ZBTB20: variants seen among roughly 807,000 people sequenced by gnomAD.
ZBTB20 encodes zinc finger and BTB domain containing 20, also known as zinc finger and BTB domain-containing protein 20.
Under a neutral mutation model 56.9 loss-of-function variants are expected in ZBTB20, and 9 were observed. That is an observed-to-expected ratio of 0.16 (90% CI 0.10 to 0.28). The LOEUF (loss-of-function observed/expected upper bound fraction) is 0.28, where lower values mean the gene tolerates loss of function less well. ZBTB20 is among the 10% of genes least tolerant of loss of function. The probability of loss-of-function intolerance (pLI) is 1.00; values close to 1 mark genes in which losing one functional copy is unlikely to be tolerated. For synonymous variants in ZBTB20, 417 were observed against 420.7 expected (o/e 0.99, Z 0.11); for missense variants, 655 against 1,003.0 (o/e 0.65, Z 4.69).
At chr3:114,829,346 A>AT (rs376873835) in intron 4 of ZBTB20, among the ~76,000 whole-genome samples, 11 of 151,966 alleles carry the variant, frequency 7.2e-5, no homozygotes, top group South Asian at 2.1e-4. Context: ...GGGAGAGGTC[A>AT]TTTTCTCTCA....
rs78071139 is a variant in ZBTB20 at position 114,829,453 on chromosome 3, C to G, written c.-416-28279G>C. Among the ~76,000 whole-genome samples, 1,486 of 151,926 alleles carry G rather than the reference C, an allele frequency of 9.8e-3. 20 individuals are homozygous for G. Among genetic ancestry groups the G allele is most frequent in the African/African-American group, 0.034 (1,407 of 41,500 alleles). On this transcript the variant is annotated intron_variant, in intron 4 of 11. Coordinates refer to ENST00000675478, the MANE Select transcript of ZBTB20 (RefSeq NM_001348800.3). The stretch of plus-strand genomic sequence containing the variant: ...GAGTTTCCCACGTTTATATTAATCT[C>G]TGTATCACAGCTAAATAAAATGTTT...
intron 1 of ZBTB20, among the ~76,000 whole-genome samples, chr3:115,124,752 C>G (rs1177066193): frequency 6.6e-6 from 1 of 151,980 alleles, no homozygotes; most frequent in Non-Finnish European, 1.5e-5. Flanking sequence ...CAAGAACATA[C>G]AGTAAACATA....
chr3:114,472,229 C>G (rs1319180536), intron 7 of ZBTB20, among the ~76,000 whole-genome samples: 1 of 152,158 alleles, frequency 6.6e-6, no homozygotes, highest in East Asian at 1.9e-4. Flanking sequence ...TAGAGTAACT[C>G]CTCAAAACAT....
chr3:114,443,353 T>C (rs572360492), intron 7 of ZBTB20, among the ~76,000 whole-genome samples: 44 of 152,144 alleles, frequency 2.9e-4, no homozygotes, highest in Admixed American at 8.5e-4. Flanking sequence ...AAATATAAGC[T>C]GACACTTCTG....
rs1490797546 is a variant in ZBTB20, at chr3:114,941,951, C to A, written c.-456+32415G>T. 2.1e-5 allele frequency among the ~76,000 whole-genome samples: 3 copies of A among 145,984 alleles called. 1 individual carries two copies. The highest frequency in any genetic ancestry group is 8.4e-5 in the African/African-American group (3 of 35,908). On this transcript the variant is annotated intron_variant, in intron 3 of 11. Coordinates refer to ENST00000675478, the MANE Select transcript of ZBTB20 (RefSeq NM_001348800.3). ...TATTTCAGGAAAAAAATTAACAAAT[C>A]AAAATAACTTTGAAAACTGTTTATA... is the stretch of plus-strand genomic sequence containing the variant.
At chr3:114,787,185 C>G (rs1157405629) in intron 5 of ZBTB20, among the ~76,000 whole-genome samples, 2 of 151,312 alleles carry the variant, frequency 1.3e-5, no homozygotes, top group Non-Finnish European at 2.9e-5. Context: ...CCTGTGTTGT[C>G]CAGGCTGGTT....
At chr3:114,807,898 A>AT (rs1173713425) in intron 4 of ZBTB20, among the ~76,000 whole-genome samples, 2 of 152,124 alleles carry the variant, frequency 1.3e-5, no homozygotes, top group Admixed American at 1.3e-4. Flanking sequence ...GTTTGTGAAT[A>AT]TTTTGTTGAG....
rs2078839771 is a variant in ZBTB20 at position 114,320,072 on chromosome 3, A to G, written c.*18933T>C. 6.6e-6 allele frequency: 1 copy of G among 152,138 alleles called. No individual in the cohort carries two copies. The allele number at this position is 152,138 out of a possible 1,614,324, so 9.4% of individuals were successfully genotyped here. Reference sequence around the variant, plus strand: ...GGAATGCTCTGTTTTCTCCATCCCCATTGAACTACCAGGTTCCTTTTATAT... The same window carrying G: ...GGAATGCTCTGTTTTCTCCATCCCCGTTGAACTACCAGGTTCCTTTTATAT... On this transcript the variant is annotated 3_prime_UTR_variant, in exon 12 of 12. Coordinates refer to ENST00000675478, the MANE Select transcript of ZBTB20 (RefSeq NM_001348800.3).
intron 5 of ZBTB20, among the ~76,000 whole-genome samples, chr3:114,712,631 C>T: frequency 7.5e-6 from 1 of 132,970 alleles, no homozygotes; most frequent in Admixed American, 8.2e-5. Context: ...CCAGCCTGAG[C>T]AACAAGAGTG....
chr3:115,094,578 C>A (rs1210137111), intron 1 of ZBTB20, among the ~76,000 whole-genome samples: 2 of 149,002 alleles, frequency 1.3e-5, no homozygotes, highest in Non-Finnish European at 3.0e-5. Context: ...AAGTTGCTAC[C>A]TGAACAAACT....
In ZBTB20 at chr3:114,670,752, A is replaced by T. The variant is rs924099762; in HGVS notation, c.-295+22776T>A. 8.5e-5 allele frequency among the ~76,000 whole-genome samples: 13 copies of T among 152,278 alleles called. No homozygotes were observed. The East Asian group carries it at 1.9e-3, about 23-fold the overall frequency. ...TAAACCCTCTTAAAATAACTGAAGAACAATAAGAAACAGTATAATTAAGTG... is the reference window on the plus strand; with the variant it reads ...TAAACCCTCTTAAAATAACTGAAGATCAATAAGAAACAGTATAATTAAGTG... On this transcript the variant is annotated intron_variant, in intron 6 of 11. Transcript: ENST00000675478.
At chr3:114,565,213 A>G (rs2052574682) in intron 6 of ZBTB20, among the ~76,000 whole-genome samples, 1 of 152,220 alleles carries the variant, frequency 6.6e-6, no homozygotes, top group African/African-American at 2.4e-5. Flanking sequence ...TTTGACATGA[A>G]ACACGCAGTC....
chr3:114,748,350 T>TCTCTCTCTCTCTCTC (rs373583112), intron 5 of ZBTB20, among the ~76,000 whole-genome samples: 17 of 29,478 alleles, frequency 5.8e-4, no homozygotes, highest in East Asian at 1.4e-3. Context: ...TCTTTCTTTC[T>TCTCTCTCTCTCTCTC]TTTCTCTCTC....
chr3:114,554,880 T>C (rs936498962), intron 6 of ZBTB20, among the ~76,000 whole-genome samples: 3 of 152,306 alleles, frequency 2.0e-5, no homozygotes, highest in African/African-American at 7.2e-5. Flanking sequence ...ACGTGTAAAT[T>C]AGAAACTAAT....
At chr3:114,975,505 A>T (rs1356505374) in intron 2 of ZBTB20, among the ~76,000 whole-genome samples, 1 of 152,174 alleles carries the variant, frequency 6.6e-6, no homozygotes, top group Non-Finnish European at 1.5e-5. Flanking sequence ...TTTGCAAACA[A>T]CAAACCACAC....
rs533640301 is a variant in ZBTB20 at position 115,038,960 on chromosome 3, A to G, written c.-507+32259T>C. Among the ~76,000 whole-genome samples the G allele has an allele frequency of 7.2e-5, 11 of 152,132 alleles. No homozygotes were observed. In the East Asian group the frequency reaches 2.1e-3, roughly 29 times the overall value. On this transcript the variant is annotated intron_variant, in intron 2 of 11. Coordinates refer to ENST00000675478, the MANE Select transcript of ZBTB20 (RefSeq NM_001348800.3). Reference sequence around the variant, plus strand: ...GCATTCTCTCCCTTTACTGGAGATTATTGCCTTCTTCTCTGACATCATAAC... The same window carrying G: ...GCATTCTCTCCCTTTACTGGAGATTGTTGCCTTCTTCTCTGACATCATAAC...
chr3:114,696,296 G>T (rs553648460), intron 5 of ZBTB20, among the ~76,000 whole-genome samples: 6 of 152,126 alleles, frequency 3.9e-5, no homozygotes, highest in Non-Finnish European at 7.4e-5. Context: ...TTAATATCCA[G>T]AAGTAAAGTA....
chr3:115,130,333 CAATT>C (rs1266802831), intron 1 of ZBTB20, among the ~76,000 whole-genome samples: 2 of 152,120 alleles, frequency 1.3e-5, no homozygotes, highest in Admixed American at 6.5e-5. Flanking sequence ...TGCAAGGACT[CAATT>C]AATGTGTAAT....
At position 114,602,442 on chromosome 3, in the gene ZBTB20, CT is replaced by C. The variant is rs2056830685; in HGVS notation, c.-295+91085del. ...CACATCTTTTAAGGCTCACTCCTAACTGTTTAGGATTCTTTGATAGAAGGTG... is the reference window on the plus strand; with the variant it reads ...CACATCTTTTAAGGCTCACTCCTAACGTTTAGGATTCTTTGATAGAAGGTG... On this transcript the variant is annotated intron_variant, in intron 6 of 11. Coordinates refer to ENST00000675478, the MANE Select transcript of ZBTB20 (RefSeq NM_001348800.3). Among the ~76,000 whole-genome samples, 3 of 152,128 alleles carry C rather than the reference CT, an allele frequency of 2.0e-5. No individual in the cohort carries two copies. The South Asian group carries it at 6.2e-4, about 32-fold the overall frequency.
Sources: gnomAD v4.1 joint callset for allele counts (sites outside exome capture counted in the v4.1 genomes callset) on GRCh38, gnomAD v4.1.1 for gene constraint, MANE v1.5 for transcripts, NCBI Gene and HGNC (gene_info 2026-07-23, HGNC 2026-07-21) for gene names.